GMEB2: variants seen among roughly 807,000 people sequenced by gnomAD.
GMEB2 encodes the protein glucocorticoid modulatory element binding protein 2, also known as glucocorticoid modulatory element-binding protein 2.
GMEB2 carries 7 observed loss-of-function variants against 45.7 expected under a neutral mutation model. The ratio of observed to expected loss-of-function variants is 0.15; its 90% CI spans 0.09 to 0.29. GMEB2 has a LOEUF of 0.29. Ranked by LOEUF, GMEB2 falls within the 10% of genes least tolerant of loss-of-function variation. GMEB2 has a pLI of 1.00. For synonymous variants in GMEB2, 322 were observed against 323.6 expected, an observed-to-expected ratio of 1.00 and a Z score of 0.05; for missense variants, 582 against 739.2, an observed-to-expected ratio of 0.79 and a Z score of 2.47.
intron 4 of GMEB2, among the ~76,000 whole-genome samples, chr20:63,598,316 G>C (rs2083214924): frequency 6.7e-6 from 1 of 149,404 alleles, no homozygotes; most frequent in Non-Finnish European, 1.5e-5. Flanking sequence ...GCCCCGTGCA[G>C]CAAACACCGG....
chr20:63,607,236 C>A (rs2089527592), intron 2 of GMEB2, among the ~76,000 whole-genome samples: 1 of 134,328 alleles, frequency 7.4e-6, no homozygotes, highest in South Asian at 2.5e-4. Context: ...CCCTCTGACC[C>A]ACCTCCATTT....
At chr20:63,616,722 C>T (rs2089611375) in intron 2 of GMEB2, among the ~76,000 whole-genome samples, 2 of 152,200 alleles carry the variant, frequency 1.3e-5, no homozygotes, top group Non-Finnish European at 2.9e-5. Flanking sequence ...CAAAAGATGT[C>T]CCACCCTCAC....
At chr20:63,595,827 C>A (rs2282157) in intron 5 of GMEB2, 60 bp from the exon 6 acceptor site, 1 of 1,540,258 alleles carries the variant, frequency 6.5e-7, no homozygotes. Flanking sequence ...GCACCTGGCC[C>A]GCCCACCCTG....
chr20:63,606,184 A>G (rs1350507089), intron 2 of GMEB2, among the ~76,000 whole-genome samples: 1 of 152,202 alleles, frequency 6.6e-6, no homozygotes, highest in African/African-American at 2.4e-5. Flanking sequence ...TAAAAGATGA[A>G]ACCATAAAAG....
chr20:63,625,020 T>C (rs2089661534), intron 1 of GMEB2, among the ~76,000 whole-genome samples: 1 of 152,132 alleles, frequency 6.6e-6, no homozygotes, highest in Non-Finnish European at 1.5e-5. Flanking sequence ...ATGGCAACTA[T>C]ATTAAAGGTT....
Position 63,593,532 on chromosome 20 carries a change from G to A in GMEB2, c.620-450C>T, listed in dbSNP as rs562624795. 1.3e-5 allele frequency among the ~76,000 whole-genome samples: 2 copies of A among 151,896 alleles called. No individual in the cohort carries two copies. The highest frequency in any genetic ancestry group is 2.9e-5 in the Non-Finnish European group (2 of 68,006). On this transcript the variant is annotated intron_variant, in intron 6 of 9. Transcript: ENST00000370077. This position sits in a 1 kb window ranked among gnomAD's most constrained non-coding sequence, Gnocchi z 4.7. ...CCTCTTCAAGTGATGCTTCATTGAA[G>A]TCATCATAAATCTCAGTATCTATCA...
chr20:63,625,816 T>G (rs2089667280), intron 1 of GMEB2, among the ~76,000 whole-genome samples: 1 of 152,062 alleles, frequency 6.6e-6, no homozygotes, highest in South Asian at 2.1e-4. Context: ...CAGGCTGCTC[T>G]CAAACTCCTG....
intron 1 of GMEB2, among the ~76,000 whole-genome samples, chr20:63,625,393 G>C (rs565609614): frequency 6.1e-4 from 92 of 151,536 alleles, no homozygotes; most frequent in African/African-American, 2.2e-3. Flanking sequence ...GGCTGGTCTC[G>C]AACTCCTGAC....
chr20:63,592,455 C>T lies in GMEB2; in HGVS notation c.829+78G>A. On this transcript the variant is annotated intron_variant, in intron 8 of 9. Coordinates refer to ENST00000370077, the MANE Select transcript of GMEB2 (RefSeq NM_012384.5). This position sits in a 1 kb window ranked among gnomAD's most constrained non-coding sequence, Gnocchi z 8.2. ...CCAGCAGCACAGAAGGGCCTAGGGG[C>T]AGGAGGGCCAGTGGCCTCACCTCCT... The T allele has an allele frequency of 8.9e-7, 1 of 1,123,190 alleles. No individual in the cohort carries two copies. The highest frequency in any genetic ancestry group is 1.3e-6 in the Non-Finnish European group (1 of 768,310). 69.6% of individuals were successfully genotyped at this position (1,123,190 alleles called of 1,614,324 possible).
At position 63,620,997 on chromosome 20, in the gene GMEB2, G is replaced by A. The variant is rs943063658; in HGVS notation, c.-57-1543C>T. On this transcript the variant is annotated intron_variant, in intron 1 of 9. Transcript: ENST00000370077. Reference sequence around the variant, plus strand: ...TCAACCAAGTGGAAAGAAAATCTTGGTATAGAAACAGGAGTTATAACCAAA... The same window carrying A: ...TCAACCAAGTGGAAAGAAAATCTTGATATAGAAACAGGAGTTATAACCAAA... Among the ~76,000 whole-genome samples the A allele has an allele frequency of 2.6e-5, 4 of 151,666 alleles. No individual in the cohort carries two copies. In the East Asian group the frequency reaches 7.9e-4, roughly 30 times the overall value.
Position 63,592,668 on chromosome 20 carries a change from C to A in GMEB2, c.694G>T (p.Asp232Tyr). The change falls in exon 8 of 10, where the codon GAC (aspartate) becomes TAC (tyrosine). Residue 232 changes from aspartate (D) to tyrosine (Y), a missense_variant and splice_region_variant. This residue lies in a region of GMEB2 where 462 missense variants were observed against 586.7 expected (regional missense o/e 0.79). Transcript: ENST00000370077. This position sits in a 1 kb window ranked among gnomAD's most constrained non-coding sequence, Gnocchi z 8.2. ...PGDWTAAIGD[D>Y]TFTFWRGLKD... is the part of the protein sequence containing the mutation. ...AGCCCCCGCCAGAAGGTAAATGTGTCATCTGTGAGGGAAGGAGTGGGTTCA... is the reference window on the plus strand; with the variant it reads ...AGCCCCCGCCAGAAGGTAAATGTGTAATCTGTGAGGGAAGGAGTGGGTTCA... 1 of 1,613,180 alleles carries A rather than the reference C, an allele frequency of 6.2e-7. No homozygotes were observed. The highest frequency in any genetic ancestry group is 1.1e-5 in the South Asian group (1 of 91,054).
chr20:63,622,691 G>C lies in GMEB2; in HGVS notation c.-57-3237C>G, dbSNP rs117288027. Among the ~76,000 whole-genome samples the C allele has an allele frequency of 3.7e-4, 56 of 152,280 alleles. 2 individuals are homozygous for C. The East Asian group carries it at 8.5e-3, about 23-fold the overall frequency. ...GATAAAGGGGAGAAAAGAAAGCTAC[G>C]ATTTCCTGGGCCACCAATCGCAAAT... is the stretch of plus-strand genomic sequence containing the variant. On this transcript the variant is annotated intron_variant, in intron 1 of 9. Coordinates refer to ENST00000370077, the MANE Select transcript of GMEB2 (RefSeq NM_012384.5).
At position 63,594,839 on chromosome 20, in the gene GMEB2, C is replaced by T. The variant is rs560990134; in HGVS notation, c.619+771G>A. Reference sequence around the variant, plus strand: ...TCTCAGCTCACTGCAACCTCCGCCTCCTGGGTTCAAGCGATTCTCCTGCCT... The same window carrying T: ...TCTCAGCTCACTGCAACCTCCGCCTTCTGGGTTCAAGCGATTCTCCTGCCT... On this transcript the variant is annotated intron_variant, in intron 6 of 9. Transcript: ENST00000370077. 9.2e-5 allele frequency among the ~76,000 whole-genome samples: 14 copies of T among 152,306 alleles called. No individual in the cohort carries two copies. In the South Asian group the frequency reaches 2.9e-3, roughly 32 times the overall value.
chr20:63,602,579 A>G (rs1431252189), intron 4 of GMEB2, among the ~76,000 whole-genome samples: 1 of 152,206 alleles, frequency 6.6e-6, no homozygotes, highest in African/African-American at 2.4e-5. Flanking sequence ...AAATGTCTTC[A>G]CTGGCATTTT....
In GMEB2 at chr20:63,593,382, G is replaced by A. The variant is rs564123102; in HGVS notation, c.620-300C>T. Reference sequence around the variant, plus strand: ...TTCCTCCTCTTGTCCATTTACGATTGTACTCAACAAGCACTTTCGACTGGA... The same window carrying A: ...TTCCTCCTCTTGTCCATTTACGATTATACTCAACAAGCACTTTCGACTGGA... On this transcript the variant is annotated intron_variant, in intron 6 of 9. Coordinates refer to ENST00000370077, the MANE Select transcript of GMEB2 (RefSeq NM_012384.5). The surrounding 1 kb of genome is among the most constrained non-coding windows in gnomAD (Gnocchi z 4.7). Among the ~76,000 whole-genome samples, 1 of 151,848 alleles carries A rather than the reference G, an allele frequency of 6.6e-6. No individual in the cohort carries two copies. Among genetic ancestry groups the A allele is most frequent in the Admixed American group, 6.6e-5 (1 of 15,246 alleles).
chr20:63,611,191 T>C (rs2089567384), intron 2 of GMEB2, among the ~76,000 whole-genome samples: 1 of 152,248 alleles, frequency 6.6e-6, no homozygotes, highest in South Asian at 2.1e-4. Context: ...GCACCGCCTC[T>C]GCGTGGGGAG....
In GMEB2 at chr20:63,588,007, G is replaced by A. The variant is rs1229526617; in HGVS notation, c.*2082C>T. 2 of 152,446 alleles carry A rather than the reference G, an allele frequency of 1.3e-5. No homozygotes were observed. Among genetic ancestry groups the A allele is most frequent in the Admixed American group, 6.5e-5 (1 of 15,290 alleles). The allele number at this position is 152,446 out of a possible 1,614,324, so 9.4% of individuals were successfully genotyped here. A position where few individuals can be genotyped will look rare whatever the true frequency, so the allele number is the denominator to read the frequency against. Reference sequence around the variant, plus strand: ...GGGCCCTTCCCCACGCTGGGGCTTGGAGCCCCTGCCAGAAGCAGCTGGGTT... The same window carrying A: ...GGGCCCTTCCCCACGCTGGGGCTTGAAGCCCCTGCCAGAAGCAGCTGGGTT... On this transcript the variant is annotated 3_prime_UTR_variant, in exon 10 of 10. Coordinates refer to ENST00000370077, the MANE Select transcript of GMEB2 (RefSeq NM_012384.5).
chr20:63,614,013 G>A (rs1279379521), intron 2 of GMEB2, among the ~76,000 whole-genome samples: 2 of 152,060 alleles, frequency 1.3e-5, no homozygotes, highest in Admixed American at 6.6e-5. Context: ...AGGATGTGAA[G>A]GCCGCCCTGC....
Position 63,590,368 on chromosome 20 carries a change from G to C in GMEB2, c.1314C>G (p.Gly438=). The part of the protein sequence containing the change: ...LGGYTVLASS[G]STYPSTVEIH... ...TCTCCACTGTGCTGGGGTAGGTGGA[G>C]CCGGAAGAGGCCAAGACTGTGTATC... The change falls in exon 10 of 10, where the codon GGC becomes GGG. Residue 438 remains glycine, a synonymous_variant. Transcript: ENST00000370077. The C allele has an allele frequency of 6.2e-7, 1 of 1,605,920 alleles. No individual in the cohort carries two copies. Among genetic ancestry groups the C allele is most frequent in the African/African-American group, 1.3e-5 (1 of 74,904 alleles).
Sources: allele counts gnomAD v4.1 joint callset (sites outside exome capture counted in the v4.1 genomes callset), GRCh38; gene constraint gnomAD v4.1.1; regional missense constraint gnomAD v4.1.1; non-coding constraint Gnocchi (gnomAD v3.1); transcripts MANE v1.5; gene names NCBI Gene and HGNC (gene_info 2026-07-23, HGNC 2026-07-21).